Variants in ATP9A observed in about 807,000 individuals in gnomAD.
ATP9A encodes the protein ATPase phospholipid transporting 9A, also known as probable phospholipid-transporting ATPase IIA.
In ATP9A, 52 loss-of-function variants were observed where a neutral mutation model predicts 144.1. The observed-to-expected ratio is 0.36, with a 90% CI of 0.29 to 0.45. The LOEUF (loss-of-function observed/expected upper bound fraction) is 0.45. ATP9A is among the 20% of genes least tolerant of loss of function. The pLI is 1.00. For synonymous variants in ATP9A, 582 were observed against 557.4 expected (o/e 1.04, Z -0.62); for missense variants, 947 against 1,392.7 (o/e 0.68, Z 5.09).
At chr20:51,746,553 G>C (rs1411759894) in intron 1 of ATP9A, among the ~76,000 whole-genome samples, 1 of 150,916 alleles carries the variant, frequency 6.6e-6, no homozygotes, top group Non-Finnish European at 1.5e-5. Context: ...ACAAAAATCA[G>C]TCAGGGCTGG....
At chr20:51,675,330 A>C (rs1360235722) in intron 10 of ATP9A, among the ~76,000 whole-genome samples, 1 of 152,204 alleles carries the variant, frequency 6.6e-6, no homozygotes, top group Non-Finnish European at 1.5e-5. Flanking sequence ...TACTGACAAA[A>C]GACAATTATT....
chr20:51,689,092 C>T lies in ATP9A; in HGVS notation c.771G>A (p.Thr257=), dbSNP rs537822691. Residue 257 remains threonine (T), a synonymous_variant, in exon 9 of 28, where the codon ACG becomes ACA. Coordinates refer to ENST00000338821, the MANE Select transcript of ATP9A (RefSeq NM_006045.3). ...ATGCGACCACAGTGCCAGCCCACAG[C>T]GTGTTCTCTATGCTCAGGCTCTCGC... is the stretch of plus-strand genomic sequence containing the variant. ...PISESLSIEN[T]LWAGTVVASG... 1.2e-5 allele frequency: 20 copies of T among 1,613,982 alleles called. No individual in the cohort carries two copies. Among genetic ancestry groups the T allele is most frequent in the South Asian group, 2.2e-5 (2 of 91,074 alleles).
At chr20:51,668,414 G>A (rs990823865) in intron 13 of ATP9A, among the ~76,000 whole-genome samples, 62 of 152,080 alleles carry the variant, frequency 4.1e-4, no homozygotes, top group African/African-American at 1.3e-3. Flanking sequence ...ATTCGGCTAC[G>A]TTATAATCCA....
At chr20:51,609,983 G>A (rs1282730895) in intron 24 of ATP9A, 118 bp downstream of exon 24, 2 of 841,202 alleles carry the variant, frequency 2.4e-6, no homozygotes, top group East Asian at 4.9e-5. Flanking sequence ...CATTCGCTGG[G>A]GCTGGGAATC....
chr20:51,745,644 C>G (rs965618518), intron 1 of ATP9A, among the ~76,000 whole-genome samples: 1 of 152,040 alleles, frequency 6.6e-6, no homozygotes, highest in South Asian at 2.1e-4. Flanking sequence ...GGAGACCCCC[C>G]ACCAGAGAGT....
rs542037190 is a variant in ATP9A, at chr20:51,658,431, G to A, written c.1294-1281C>T. Among the ~76,000 whole-genome samples, 7 of 151,396 alleles carry A rather than the reference G, an allele frequency of 4.6e-5. No homozygotes were observed. In the South Asian group the frequency reaches 1.3e-3, roughly 27 times the overall value. ...GAGCCCCAGGAATCCTGAGAAACCC[G>A]CTCAGCACCACCAACTGCAGCAGGA... On this transcript the variant is annotated intron_variant, in intron 13 of 27. Transcript: ENST00000338821.
At chr20:51,720,987 T>C in intron 3 of ATP9A, among the ~76,000 whole-genome samples, 1 of 152,230 alleles carries the variant, frequency 6.6e-6, no homozygotes, top group East Asian at 1.9e-4. Flanking sequence ...AGGGCCTCTC[T>C]AGCTCTCAGG....
chr20:51,705,392 G>A (rs1409065175), intron 4 of ATP9A, among the ~76,000 whole-genome samples: 1 of 152,164 alleles, frequency 6.6e-6, no homozygotes, highest in Admixed American at 6.5e-5. Context: ...TAAGCAGAGA[G>A]CATCACTCAA....
chr20:51,627,942 A>G (rs943761545), intron 16 of ATP9A, among the ~76,000 whole-genome samples: 1 of 152,176 alleles, frequency 6.6e-6, no homozygotes, highest in Non-Finnish European at 1.5e-5. Flanking sequence ...AATTTAAGTC[A>G]ACATTGTGCG....
At chr20:51,733,539 A>G (rs2077750854) in intron 1 of ATP9A, among the ~76,000 whole-genome samples, 1 of 151,840 alleles carries the variant, frequency 6.6e-6, no homozygotes, top group Non-Finnish European at 1.5e-5. Context: ...ACACCCAGCT[A>G]ATTTTTGTAT....
At chr20:51,708,462 T>C (rs1302371539) in intron 4 of ATP9A, among the ~76,000 whole-genome samples, 11 of 151,790 alleles carry the variant, frequency 7.2e-5, no homozygotes, top group Admixed American at 7.2e-4. Context: ...TGGCCAGGCA[T>C]GGTGGCTCAC....
At chr20:51,616,100 T>A (rs2122717168) in intron 22 of ATP9A, among the ~76,000 whole-genome samples, 1 of 152,336 alleles carries the variant, frequency 6.6e-6, no homozygotes, top group East Asian at 1.9e-4. Context: ...ATTCAGGGAA[T>A]CTATACAGAC....
chr20:51,621,380 AC>A (rs2077226430), intron 19 of ATP9A, among the ~76,000 whole-genome samples: 1 of 151,812 alleles, frequency 6.6e-6, no homozygotes, highest in African/African-American at 2.4e-5. Context: ...TGAGGGCGAG[AC>A]CCCCAAACAT....
intron 14 of ATP9A, among the ~76,000 whole-genome samples, chr20:51,640,079 T>C (rs1329292748): frequency 1.3e-5 from 2 of 152,010 alleles, no homozygotes; most frequent in East Asian, 3.9e-4. Flanking sequence ...AGCGAGACTC[T>C]GTCCCCGTCC....
intron 2 of ATP9A, among the ~76,000 whole-genome samples, chr20:51,729,502 T>A (rs1421123357): frequency 1.3e-5 from 2 of 152,194 alleles, no homozygotes; most frequent in Admixed American, 1.3e-4. Flanking sequence ...CCCAGCACTT[T>A]GAGAGGCTGA....
intron 1 of ATP9A, among the ~76,000 whole-genome samples, chr20:51,755,951 T>C (rs1202869979): frequency 6.9e-6 from 1 of 144,758 alleles, no homozygotes; most frequent in Non-Finnish European, 1.5e-5. Context: ...CGAGACTCCA[T>C]CTCAAAGAAA....
chr20:51,627,027 A>G (rs1256180831), intron 17 of ATP9A, among the ~76,000 whole-genome samples: 1 of 150,386 alleles, frequency 6.6e-6, no homozygotes, highest in East Asian at 2.0e-4. Context: ...ACTGCACTCC[A>G]GCCTGGGCGA....
intron 4 of ATP9A, among the ~76,000 whole-genome samples, chr20:51,709,032 A>G (rs946977179): frequency 3.3e-5 from 5 of 152,248 alleles, no homozygotes; most frequent in African/African-American, 1.2e-4. Context: ...AATTAGATTA[A>G]TAGCAATATA....
rs191117171 is a variant in ATP9A at position 51,697,960 on chromosome 20, T to G, written c.437-478A>C. Among the ~76,000 whole-genome samples the G allele has an allele frequency of 1.8e-3, 281 of 152,376 alleles. 1 individual carries two copies. Among genetic ancestry groups the G allele is most frequent in the Admixed American group, 3.0e-3 (46 of 15,310 alleles). On this transcript the variant is annotated intron_variant, in intron 4 of 27. Transcript: ENST00000338821. ...ATAGGATTATGATCAGACTATATAA[T>G]TTTTGCTGGATGTTTAGATAAACAG...
Sources: gnomAD v4.1 joint callset for allele counts (sites outside exome capture counted in the v4.1 genomes callset) on GRCh38, gnomAD v4.1.1 for gene constraint, MANE v1.5 for transcripts, NCBI Gene and HGNC (gene_info 2026-07-23, HGNC 2026-07-21) for gene names.